MEIS2: variants seen among roughly 807,000 people sequenced by gnomAD.
The protein encoded by MEIS2 is homeobox protein Meis2.
In MEIS2, 9 loss-of-function variants were observed where a neutral mutation model predicts 58.6. That is an observed-to-expected ratio of 0.15 (90% confidence interval 0.09 to 0.27). The LOEUF (loss-of-function observed/expected upper bound fraction) is 0.27, where lower values mean the gene tolerates loss of function less well. Ranked by LOEUF, MEIS2 falls within the 10% of genes least tolerant of loss-of-function variation. The probability of loss-of-function intolerance (pLI) is 1.00; values close to 1 mark genes in which losing one functional copy is unlikely to be tolerated. For synonymous variants in MEIS2, 221 were observed against 228.4 expected, an observed-to-expected ratio of 0.97 and a Z score of 0.29; for missense variants, 427 against 635.0, an observed-to-expected ratio of 0.67 and a Z score of 3.52.
chr15:37,017,394 A>T (rs2141659662), intron 8 of MEIS2, among the ~76,000 whole-genome samples: 1 of 152,292 alleles, frequency 6.6e-6, no homozygotes, highest in Middle Eastern at 3.4e-3. Flanking sequence ...GCTTGAGCCC[A>T]GGGATTCGAG....
intron 8 of MEIS2, chr15:37,036,529 T>C (rs2062162388): frequency 4.4e-6 from 1 of 227,706 alleles, no homozygotes; most frequent in South Asian, 1.1e-4. Context: ...TCTCATACTT[T>C]TAGCATAAAT....
intron 7 of MEIS2, among the ~76,000 whole-genome samples, chr15:37,077,325 T>C (rs921311894): frequency 1.2e-4 from 18 of 152,044 alleles, no homozygotes; most frequent in Non-Finnish European, 1.8e-4. Flanking sequence ...CAGAGCTCAT[T>C]TCTACAAGTT....
chr15:37,035,228 C>G (rs141508614), intron 8 of MEIS2, among the ~76,000 whole-genome samples: 2 of 152,168 alleles, frequency 1.3e-5, no homozygotes, highest in African/African-American at 4.8e-5. Flanking sequence ...AACCCCTCCC[C>G]TCACAGTCAC....
intron 1 of MEIS2, chr15:37,098,436 A>G (rs1894657916): frequency 8.4e-7 from 1 of 1,197,450 alleles, no homozygotes; most frequent in South Asian, 3.5e-5. Context: ...AAATAAAAAT[A>G]AAAACAAAGT....
At chr15:36,950,289 C>G (rs186583386) in intron 9 of MEIS2, 35 bp downstream of exon 9, 343 of 1,516,336 alleles carry the variant, frequency 2.3e-4, no homozygotes, top group Non-Finnish European at 2.6e-4. Flanking sequence ...TCATTTTAGC[C>G]ATGGGAGAAA....
intron 8 of MEIS2, among the ~76,000 whole-genome samples, chr15:37,026,712 T>C (rs2061718913): frequency 6.6e-6 from 1 of 152,176 alleles, no homozygotes; most frequent in Admixed American, 6.5e-5. Flanking sequence ...GATAATAATA[T>C]TCTCTTCATT....
intron 2 of MEIS2, 152 bp from the exon 3 acceptor site, chr15:37,096,582 G>T (rs765422949): frequency 1.1e-6 from 1 of 921,412 alleles, no homozygotes; most frequent in African/African-American, 1.7e-5. Flanking sequence ...TCCATCAGGC[G>T]AGCCTAAGCC....
chr15:36,900,850 T>C (rs1027055414), intron 9 of MEIS2: 2 of 152,264 alleles, frequency 1.3e-5, no homozygotes, highest in African/African-American at 4.8e-5. Flanking sequence ...TGGTTTCTTT[T>C]CTTTATTCCT....
chr15:37,036,983 A>C, intron 7 of MEIS2, 24 bp from the exon 8 acceptor site: 1 of 1,584,882 alleles, frequency 6.3e-7, no homozygotes, highest in South Asian at 1.2e-5. Context: ...ATAAAAATAC[A>C]TTAGAGAAAA....
At position 36,890,370 on chromosome 15, in the gene MEIS2, CG is replaced by C. The variant is rs2055800087; in HGVS notation, c.*1802del. ...TAAAATTTTGAAAATGGCATTATAC[CG>C]TCCATTTTGTTTTGTTTTGTTTTCA... On this transcript the variant is annotated 3_prime_UTR_variant, in exon 12 of 12. Transcript: ENST00000561208. The C allele has an allele frequency of 6.6e-6, 1 of 151,792 alleles. No individual in the cohort carries two copies. The highest frequency in any genetic ancestry group is 2.4e-5 in the African/African-American group (1 of 41,298). 9.4% of individuals were successfully genotyped at this position (151,792 alleles called of 1,614,324 possible).
intron 8 of MEIS2, among the ~76,000 whole-genome samples, chr15:37,016,941 A>G (rs1395962813): frequency 6.6e-6 from 1 of 152,252 alleles, no homozygotes; most frequent in Non-Finnish European, 1.5e-5. Flanking sequence ...ATATTTTTCT[A>G]AAATTATAAC....
At chr15:37,032,022 T>C (rs1214447805) in intron 8 of MEIS2, among the ~76,000 whole-genome samples, 1 of 152,112 alleles carries the variant, frequency 6.6e-6, no homozygotes, top group Non-Finnish European at 1.5e-5. Flanking sequence ...TATTCTTTTG[T>C]AGAGATGGGA....
At chr15:36,954,303 G>A (rs183610818) in intron 8 of MEIS2, among the ~76,000 whole-genome samples, 61 of 151,034 alleles carry the variant, frequency 4.0e-4, no homozygotes, top group Non-Finnish European at 7.1e-4. Flanking sequence ...TGCTTGTAGC[G>A]CAAAAAAAAT....
intron 7 of MEIS2, among the ~76,000 whole-genome samples, chr15:37,056,774 G>T (rs1333061016): frequency 6.6e-6 from 1 of 152,190 alleles, no homozygotes; most frequent in Non-Finnish European, 1.5e-5. Context: ...GTTCAAACCA[G>T]TGTGTCTTCA....
chr15:36,997,703 G>T (rs563917917), intron 8 of MEIS2, among the ~76,000 whole-genome samples: 1 of 152,000 alleles, frequency 6.6e-6, no homozygotes, highest in African/African-American at 2.4e-5. Context: ...GGATGGTCTC[G>T]ATCTCCTGAC....
intron 9 of MEIS2, among the ~76,000 whole-genome samples, chr15:36,914,715 A>G (rs1413181956): frequency 1.3e-5 from 2 of 152,118 alleles, no homozygotes; most frequent in Non-Finnish European, 2.9e-5. Flanking sequence ...TAGTAAGATT[A>G]TATGGCCCTC....
At chr15:37,057,605 T>C (rs560947049) in intron 7 of MEIS2, among the ~76,000 whole-genome samples, 1 of 152,160 alleles carries the variant, frequency 6.6e-6, no homozygotes, top group East Asian at 1.9e-4. Flanking sequence ...CCCAACTAGC[T>C]GAGAAATCAG....
intron 10 of MEIS2, among the ~76,000 whole-genome samples, chr15:36,896,023 G>A (rs1035990444): frequency 6.6e-6 from 1 of 152,186 alleles, no homozygotes; most frequent in Non-Finnish European, 1.5e-5. Context: ...ACGACTTGGA[G>A]TATACCAGGA....
chr15:36,896,579 G>A (rs2056188600), intron 10 of MEIS2, 49 bp downstream of exon 10: 1 of 1,425,476 alleles, frequency 7.0e-7, no homozygotes, highest in African/African-American at 1.4e-5. Flanking sequence ...ATAACTTGAT[G>A]AGGATTTGTG....
Sources: allele counts gnomAD v4.1 joint callset (sites outside exome capture counted in the v4.1 genomes callset), GRCh38; gene constraint gnomAD v4.1.1; transcripts MANE v1.5; gene names NCBI Gene and HGNC (gene_info 2026-07-23, HGNC 2026-07-21).